The following PPP4R3A variants were observed in gnomAD, a reference collection of about 807,000 sequenced individuals.
The protein encoded by PPP4R3A is protein phosphatase 4 regulatory subunit 3A.
In PPP4R3A, 15 loss-of-function variants were observed where a neutral mutation model predicts 91.7. That is an observed-to-expected ratio of 0.16 (90% confidence interval 0.11 to 0.25). The LOEUF is 0.25. Among genes scored for constraint, PPP4R3A ranks in the 10% least tolerant of loss-of-function variants. The pLI is 1.00. For missense variants in PPP4R3A, 623 were observed against 998.4 expected, an observed-to-expected ratio of 0.62 and a Z score of 5.07; for synonymous variants, 377 against 348.7, an observed-to-expected ratio of 1.08 and a Z score of -0.91.
At chr14:91,504,886 C>T (rs76609234) in intron 1 of PPP4R3A, among the ~76,000 whole-genome samples, 517 of 152,206 alleles carry the variant, frequency 3.4e-3, no homozygotes, top group Non-Finnish European at 5.9e-3. Flanking sequence ...TATAAGCTCC[C>T]CTAACAAGAA....
intron 1 of PPP4R3A, among the ~76,000 whole-genome samples, chr14:91,499,301 CAAAA>C (rs895281270): frequency 6.6e-6 from 1 of 150,986 alleles, no homozygotes; most frequent in East Asian, 1.9e-4. Flanking sequence ...GAAAACAAAA[CAAAA>C]AAAAGTCTAA....
At chr14:91,478,529 C>T (rs1184021409) in intron 4 of PPP4R3A, among the ~76,000 whole-genome samples, 1 of 152,208 alleles carries the variant, frequency 6.6e-6, no homozygotes, top group Non-Finnish European at 1.5e-5. Context: ...GAGAAACAGA[C>T]ATATTGGCAG....
intron 6 of PPP4R3A, 107 bp downstream of exon 6, chr14:91,476,301 A>G: frequency 1.1e-6 from 1 of 882,690 alleles, no homozygotes; most frequent in Non-Finnish European, 1.8e-6. Context: ...TGAACTACGC[A>G]GCTAATTTCA....
chr14:91,481,432 A>G lies in PPP4R3A; in HGVS notation c.915+144T>C, dbSNP rs1469911533. On this transcript the variant is annotated intron_variant, in intron 4 of 14. Coordinates refer to ENST00000554943, the MANE Select transcript of PPP4R3A (RefSeq NM_001366432.2). ...AGTAACCTTCTGGTCTCGTATTATT[A>G]TTGTATATTATAATCTCTTAAAATA... 4.8e-6 allele frequency: 4 copies of G among 841,420 alleles called. No individual in the cohort carries two copies. The African/African-American group carries it at 7.1e-5, about 15-fold the overall frequency. 52.1% of individuals were successfully genotyped at this position (841,420 alleles called of 1,614,324 possible). A position where few individuals can be genotyped will look rare whatever the true frequency, so the allele number is the denominator to read the frequency against.
At position 91,507,044 on chromosome 14, in the gene PPP4R3A, C is replaced by T. The variant is rs139931034; in HGVS notation, c.142+2462G>A. 3.0e-3 allele frequency among the ~76,000 whole-genome samples: 462 copies of T among 152,080 alleles called. 2 individuals carry two copies. The highest frequency in any genetic ancestry group is 0.014 in the Middle Eastern group (4 of 294). Reference sequence around the variant, plus strand: ...GGTAAAAATATAAATGGAGGTTCGGCGCAGTGGCTCACGCCTGTAATCCTA... The same window carrying T: ...GGTAAAAATATAAATGGAGGTTCGGTGCAGTGGCTCACGCCTGTAATCCTA... On this transcript the variant is annotated intron_variant, in intron 1 of 14. Coordinates refer to ENST00000554943, the MANE Select transcript of PPP4R3A (RefSeq NM_001366432.2).
Position 91,470,797 on chromosome 14 carries a change from A to G in PPP4R3A, c.1660+40T>C, listed in dbSNP as rs376020219. 2.5e-5 allele frequency: 39 copies of G among 1,586,004 alleles called. No individual in the cohort carries two copies. The African/African-American group carries it at 3.3e-4, about 13-fold the overall frequency. On this transcript the variant is annotated intron_variant, in intron 10 of 14. Coordinates refer to ENST00000554943, the MANE Select transcript of PPP4R3A (RefSeq NM_001366432.2). ...GCAATAAGATGTAAAAAATACCAAC[A>G]TGTCAATATACAAAGATGATAAATA...
At chr14:91,461,663 C>G in intron 13 of PPP4R3A, 56 bp from the exon 14 acceptor site, 1 of 1,533,778 alleles carries the variant, frequency 6.5e-7, no homozygotes, top group Non-Finnish European at 8.9e-7. Flanking sequence ...TTAAATTTCC[C>G]CAAATGAGGT....
chr14:91,462,199 C>T lies in PPP4R3A; in HGVS notation c.2014G>A (p.Ala672Thr). ...ILRNHRYRRD[A>T]RTLEDEEEMW... ...TCTTCTTCATCTTCTAGTGTTCTGG[C>T]ATCTCTTCGATATCTGTGATTCCTC... Residue 672 changes from alanine (A) to threonine (T), a missense_variant, in exon 13 of 15, where the codon GCC becomes ACC. Ala to Thr is a moderately conservative substitution (Grantham distance 58, BLOSUM62 0). Around this residue, in one of 5 missense-constraint regions of PPP4R3A, gnomAD observed 201 missense variants for 229.9 expected, o/e 0.87. Coordinates refer to ENST00000554943, the MANE Select transcript of PPP4R3A (RefSeq NM_001366432.2). The T allele has an allele frequency of 6.3e-7, 1 of 1,598,824 alleles. No homozygotes were observed. Among genetic ancestry groups the T allele is most frequent in the Non-Finnish European group, 8.5e-7 (1 of 1,175,414 alleles).
intron 11 of PPP4R3A, among the ~76,000 whole-genome samples, chr14:91,463,216 C>T (rs1457597227): frequency 6.6e-6 from 1 of 152,066 alleles, no homozygotes; most frequent in East Asian, 1.9e-4. Context: ...CATGCATGCA[C>T]CACCACGCCT....
intron 7 of PPP4R3A, chr14:91,474,800 T>A (rs1393233284): frequency 1.3e-5 from 2 of 152,134 alleles, no homozygotes; most frequent in Non-Finnish European, 2.9e-5. Context: ...TAAAAATTAA[T>A]TTTGTACTAA....
intron 1 of PPP4R3A, among the ~76,000 whole-genome samples, chr14:91,499,337 TC>T (rs1025209338): frequency 2.0e-5 from 3 of 151,848 alleles, no homozygotes; most frequent in Admixed American, 2.0e-4. Context: ...GAAAAAAAGT[TC>T]GAGGAATGCT....
rs147466085 is a variant in PPP4R3A, at chr14:91,483,113, A to C, written c.298-920T>G. ...TATTGACTACATTTTAAAGTAAGGCATTTTTTTTGGTAACAAAAGGTCAAG... is the reference window on the plus strand; with the variant it reads ...TATTGACTACATTTTAAAGTAAGGCCTTTTTTTTGGTAACAAAAGGTCAAG... On this transcript the variant is annotated intron_variant, in intron 3 of 14. Coordinates refer to ENST00000554943, the MANE Select transcript of PPP4R3A (RefSeq NM_001366432.2). 2.7e-4 allele frequency among the ~76,000 whole-genome samples: 41 copies of C among 152,116 alleles called. No homozygotes were observed. The East Asian group carries it at 5.4e-3, about 20-fold the overall frequency.
chr14:91,494,428 A>T (rs1318551014), intron 1 of PPP4R3A, among the ~76,000 whole-genome samples: 3 of 152,248 alleles, frequency 2.0e-5, no homozygotes, highest in South Asian at 4.1e-4. Flanking sequence ...TGTATCCGGA[A>T]TATATAAAGG....
At chr14:91,505,455 A>C (rs1188342450) in intron 1 of PPP4R3A, among the ~76,000 whole-genome samples, 2 of 152,048 alleles carry the variant, frequency 1.3e-5, no homozygotes, top group Non-Finnish European at 2.9e-5. Context: ...AAAAAAAAAA[A>C]AAAAACACAC....
intron 1 of PPP4R3A, among the ~76,000 whole-genome samples, chr14:91,507,507 TATA>T (rs1891453390): frequency 7.1e-6 from 1 of 140,240 alleles, no homozygotes; most frequent in South Asian, 2.1e-4. Context: ...GAATATATGC[TATA>T]ATTATATATA....
chr14:91,496,964 C>A (rs1339004787), intron 1 of PPP4R3A, among the ~76,000 whole-genome samples: 1 of 152,050 alleles, frequency 6.6e-6, no homozygotes, highest in Non-Finnish European at 1.5e-5. Flanking sequence ...TAACACAATC[C>A]TTACCCCCAA....
intron 1 of PPP4R3A, among the ~76,000 whole-genome samples, chr14:91,498,147 C>T (rs1055181994): frequency 6.6e-6 from 1 of 152,070 alleles, no homozygotes; most frequent in African/African-American, 2.4e-5. Flanking sequence ...TCAGCCTGGC[C>T]AACATGGTGA....
chr14:91,488,758 A>G (rs1013143814), intron 2 of PPP4R3A, among the ~76,000 whole-genome samples: 4 of 151,810 alleles, frequency 2.6e-5, no homozygotes, highest in African/African-American at 9.7e-5. Flanking sequence ...TTTAAGAGGT[A>G]AAGAGGCCAC....
intron 10 of PPP4R3A, among the ~76,000 whole-genome samples, chr14:91,470,453 T>C (rs1009610734): frequency 6.6e-6 from 1 of 152,204 alleles, no homozygotes; most frequent in Admixed American, 6.5e-5. Flanking sequence ...ACCATATTCA[T>C]TTCTCTCTTC....
Sources: gnomAD v4.1 joint callset for allele counts (sites outside exome capture counted in the v4.1 genomes callset) on GRCh38, gnomAD v4.1.1 for gene constraint, gnomAD v4.1.1 regional missense constraint, MANE v1.5 for transcripts, NCBI Gene and HGNC (gene_info 2026-07-23, HGNC 2026-07-21) for gene names.